The following SMARCAD1 variants were observed in gnomAD, a reference collection of about 807,000 sequenced individuals.
The protein encoded by SMARCAD1 is SNF2 related chromatin remodeling ATPase with DExD box 1, also known as SWI/SNF-related matrix-associated actin-dependent regulator of chromatin subfamily A containing DEAD/H box 1.
SMARCAD1 carries 25 observed loss-of-function variants against 127.1 expected under a neutral mutation model. That is an observed-to-expected ratio of 0.20 (90% confidence interval 0.14 to 0.27). The LOEUF is 0.27. Ranked by LOEUF, SMARCAD1 falls within the 10% of genes least tolerant of loss-of-function variation. SMARCAD1 has a pLI of 1.00. For missense variants in SMARCAD1, 807 were observed against 1,206.0 expected, an observed-to-expected ratio of 0.67 and a Z score of 4.90; for synonymous variants, 400 against 396.9, an observed-to-expected ratio of 1.01 and a Z score of -0.09.
At chr4:94,210,355 T>C (rs1742005875) in intron 2 of SMARCAD1, among the ~76,000 whole-genome samples, 1 of 152,202 alleles carries the variant, frequency 6.6e-6, no homozygotes, top group Non-Finnish European at 1.5e-5. Flanking sequence ...ACTGTGAATT[T>C]TGGAGAATCT....
intron 9 of SMARCAD1, among the ~76,000 whole-genome samples, chr4:94,254,050 A>G (rs747424560): frequency 5.3e-5 from 8 of 152,194 alleles, no homozygotes; most frequent in African/African-American, 1.4e-4. Context: ...TGAAGTGGCA[A>G]TAGGGGAGAG....
At chr4:94,275,013 A>C (rs775296464) in intron 14 of SMARCAD1, 48 bp downstream of exon 14, 6 of 1,325,554 alleles carry the variant, frequency 4.5e-6, no homozygotes, top group Non-Finnish European at 4.3e-6. Flanking sequence ...GCAGCCCCCA[A>C]ATTTAAAAAA....
intron 10 of SMARCAD1, among the ~76,000 whole-genome samples, chr4:94,270,405 A>G (rs970470505): frequency 2.0e-5 from 3 of 152,140 alleles, no homozygotes; most frequent in Non-Finnish European, 4.4e-5. Flanking sequence ...ATTTTCTATT[A>G]TAGATACTAG....
chr4:94,279,864 T>C (rs1015947171), intron 19 of SMARCAD1, among the ~76,000 whole-genome samples: 1 of 152,168 alleles, frequency 6.6e-6, no homozygotes, highest in African/African-American at 2.4e-5. Context: ...TTTCTTCCTT[T>C]TCTTTACTTT....
chr4:94,278,460 A>G lies in SMARCAD1; in HGVS notation c.2121A>G (p.Arg707=), dbSNP rs1393536689. ...ADEQSIYEKE[R]IAHAKQIIKP... is the part of the protein sequence containing the mutation. Reference sequence around the variant, plus strand: ...AGCAAAGCATATATGAAAAGGAGAGAATAGCACATGCAAAACAAATTATAA... The same window carrying G: ...AGCAAAGCATATATGAAAAGGAGAGGATAGCACATGCAAAACAAATTATAA... The change falls in exon 17 of 24, where the codon AGA becomes AGG. Residue 707 remains arginine, a synonymous_variant. Coordinates refer to ENST00000354268, the MANE Select transcript of SMARCAD1 (RefSeq NM_020159.5). 3.7e-6 allele frequency: 6 copies of G among 1,613,796 alleles called. No homozygotes were observed. In the Admixed American group the frequency reaches 1.0e-4, roughly 27 times the overall value.
chr4:94,289,377 G>A (rs1755404268), intron 23 of SMARCAD1, 96 bp from the exon 24 acceptor site: 2 of 1,109,966 alleles, frequency 1.8e-6, no homozygotes, highest in Non-Finnish European at 1.4e-6. Flanking sequence ...CTTGAAAGAT[G>A]AGTAAGAATT....
At chr4:94,208,263 T>C in intron 1 of SMARCAD1, 83 bp from the exon 2 acceptor site, 1 of 984,540 alleles carries the variant, frequency 1.0e-6, no homozygotes, top group East Asian at 2.4e-5. Context: ...GGGCCCTTTA[T>C]TGCCTTGGGA....
intron 12 of SMARCAD1, 142 bp from the exon 13 acceptor site, chr4:94,274,596 C>T (rs1579316525): frequency 2.5e-6 from 2 of 797,816 alleles, no homozygotes; most frequent in East Asian, 5.2e-5. Context: ...GGATTACAGG[C>T]ATGAGCCACC....
intron 2 of SMARCAD1, among the ~76,000 whole-genome samples, chr4:94,214,311 G>A (rs1249372025): frequency 1.4e-5 from 2 of 146,516 alleles, no homozygotes; most frequent in Admixed American, 6.8e-5. Context: ...CACCCAGGCT[G>A]GAGTGCAGTG....
At chr4:94,211,638 T>C (rs1742280784) in intron 2 of SMARCAD1, among the ~76,000 whole-genome samples, 1 of 152,172 alleles carries the variant, frequency 6.6e-6, no homozygotes, top group African/African-American at 2.4e-5. Flanking sequence ...AATCCTGTTA[T>C]TTTATCTAGT....
chr4:94,265,508 C>CA (rs1005914838), intron 10 of SMARCAD1, among the ~76,000 whole-genome samples: 119 of 145,688 alleles, frequency 8.2e-4, no homozygotes, highest in African/African-American at 1.3e-3. Flanking sequence ...AGAATTCATG[C>CA]AAAAAAAAAA....
intron 9 of SMARCAD1, among the ~76,000 whole-genome samples, chr4:94,259,380 T>C (rs1325937635): frequency 6.6e-6 from 1 of 152,204 alleles, no homozygotes; most frequent in African/African-American, 2.4e-5. Context: ...AATTAAACTC[T>C]TTTTCCTTTA....
At chr4:94,209,480 A>G (rs1741841575) in intron 2 of SMARCAD1, among the ~76,000 whole-genome samples, 1 of 152,236 alleles carries the variant, frequency 6.6e-6, no homozygotes, top group African/African-American at 2.4e-5. Context: ...TATTTATTTC[A>G]GTAATATCTT....
intron 20 of SMARCAD1, 52 bp from the exon 21 acceptor site, chr4:94,281,420 T>TAC: frequency 8.1e-7 from 1 of 1,228,458 alleles, no homozygotes; most frequent in African/African-American, 1.5e-5. Context: ...GTCAAGGCTT[T>TAC]GAGTAGTAAA....
intron 5 of SMARCAD1, among the ~76,000 whole-genome samples, chr4:94,237,586 T>G (rs1030726640): frequency 6.6e-6 from 1 of 152,048 alleles, no homozygotes; most frequent in Non-Finnish European, 1.5e-5. Context: ...TTAACCACCC[T>G]TAAATTATAA....
Position 94,238,612 on chromosome 4 carries a change from C to T in SMARCAD1, c.604+1594C>T, listed in dbSNP as rs971360110. ...TGAGTGACAGAGCAAGACCCTGTCT[C>T]AAAAGAAAGAAAGAAAGAAAGAAAG... On this transcript the variant is annotated intron_variant, in intron 5 of 23. Coordinates refer to ENST00000354268, the MANE Select transcript of SMARCAD1 (RefSeq NM_020159.5). 8.0e-5 allele frequency among the ~76,000 whole-genome samples: 12 copies of T among 150,026 alleles called. 1 individual carries two copies. The highest frequency in any genetic ancestry group is 2.6e-4 in the Admixed American group (4 of 15,160).
At chr4:94,249,846 G>A (rs113837033) in intron 7 of SMARCAD1, 91 bp downstream of exon 7, 5 of 763,760 alleles carry the variant, frequency 6.5e-6, no homozygotes, top group Non-Finnish European at 1.2e-5. Context: ...AAAAGCTTAG[G>A]GTGAGTTTTG....
At chr4:94,285,157 A>G (rs1362512845) in intron 23 of SMARCAD1, 88 bp downstream of exon 23, 2 of 848,570 alleles carry the variant, frequency 2.4e-6, no homozygotes, top group African/African-American at 1.7e-5. Flanking sequence ...AAAGATGGCT[A>G]CCTTAACTAG....
At chr4:94,230,693 C>A (rs1038597665) in intron 3 of SMARCAD1, among the ~76,000 whole-genome samples, 11 of 152,046 alleles carry the variant, frequency 7.2e-5, no homozygotes, top group Non-Finnish European at 4.4e-5. Context: ...AAACTACCCC[C>A]TACCCCAACT....
Sources: allele counts gnomAD v4.1 joint callset (sites outside exome capture counted in the v4.1 genomes callset), GRCh38; gene constraint gnomAD v4.1.1; transcripts MANE v1.5; gene names NCBI Gene and HGNC (gene_info 2026-07-23, HGNC 2026-07-21).